Variants in TMED8 observed in about 807,000 individuals in gnomAD.
TMED8 encodes the protein protein TMED8.
TMED8 carries 15 observed loss-of-function variants against 32.7 expected under a neutral mutation model. The ratio of observed to expected loss-of-function variants is 0.46; its 90% CI spans 0.31 to 0.71. The LOEUF (loss-of-function observed/expected upper bound fraction) is 0.71, where lower values mean the gene tolerates loss of function less well. Among genes scored for constraint, TMED8 ranks in the 30% least tolerant of loss-of-function variants. The pLI, the probability that TMED8 is intolerant of heterozygous loss-of-function variation, is 0.06. For missense variants in TMED8, 390 were observed against 423.9 expected (o/e 0.92, Z 0.70); for synonymous variants, 147 against 161.4 (o/e 0.91, Z 0.68).
intron 1 of TMED8, among the ~76,000 whole-genome samples, chr14:77,362,220 T>C (rs1467040390): frequency 6.6e-6 from 1 of 152,034 alleles, no homozygotes; most frequent in Non-Finnish European, 1.5e-5. Flanking sequence ...CTGCTTGCTC[T>C]TGCTAGCACT....
rs548159112 is a variant in TMED8 at position 77,355,196 on chromosome 14, CACTTTT to C, written c.119-3451_119-3446del. On this transcript the variant is annotated intron_variant, in intron 1 of 5. Coordinates refer to ENST00000216468, the MANE Select transcript of TMED8 (RefSeq NM_213601.3). ...TGTTTCTGAAAGGACATGCACTAAA[CACTTTT>C]TTTTTTTTTTTGAGACATAGTCTTG... is the stretch of plus-strand genomic sequence containing the variant. Among the ~76,000 whole-genome samples, 428 of 137,890 alleles carry C rather than the reference CACTTTT, an allele frequency of 3.1e-3. 1 individual carries two copies. Among genetic ancestry groups the C allele is most frequent in the African/African-American group, 0.01 (397 of 39,214 alleles). The allele number at this position is 137,890 out of a possible 152,430, so 90.5% of individuals were successfully genotyped here. A position where few individuals can be genotyped will look rare whatever the true frequency, so the allele number is the denominator to read the frequency against.
In TMED8 at chr14:77,376,061, G is replaced by A. The variant is rs548974742; in HGVS notation, c.118+875C>T. Among the ~76,000 whole-genome samples the A allele has an allele frequency of 6.6e-6, 1 of 152,316 alleles. No homozygotes were observed. The highest frequency in any genetic ancestry group is 1.9e-4 in the East Asian group (1 of 5,190). ...TAATTTATATTTGCTACTTAAATAAGACAAGTTCTCTCCCCTCTACCCTTT... is the reference window on the plus strand; with the variant it reads ...TAATTTATATTTGCTACTTAAATAAAACAAGTTCTCTCCCCTCTACCCTTT... On this transcript the variant is annotated intron_variant, in intron 1 of 5. Transcript: ENST00000216468. The surrounding 1 kb of genome is among the most constrained non-coding windows in gnomAD (Gnocchi z 4.0).
chr14:77,372,413 C>T (rs74434978), intron 1 of TMED8, among the ~76,000 whole-genome samples: 4,933 of 152,264 alleles, frequency 0.032, 278 homozygotes, highest in African/African-American at 0.11. Flanking sequence ...GAACAGGCCT[C>T]AGAGGATTTC....
At chr14:77,373,828 T>C (rs561907674) in intron 1 of TMED8, among the ~76,000 whole-genome samples, 6 of 152,308 alleles carry the variant, frequency 3.9e-5, no homozygotes, top group Admixed American at 3.9e-4. Context: ...ATCCTCTTGA[T>C]GATAAGTGAG....
In TMED8 at chr14:77,335,852, T is replaced by C. The variant is rs1250345745; in HGVS notation, c.*5919A>G. The C allele has an allele frequency of 6.6e-6, 1 of 152,222 alleles. No individual in the cohort carries two copies. The highest frequency in any genetic ancestry group is 2.4e-5 in the African/African-American group (1 of 41,462). 9.4% of individuals were successfully genotyped at this position (152,222 alleles called of 1,614,324 possible). A position where few individuals can be genotyped will look rare whatever the true frequency, so the allele number is the denominator to read the frequency against. On this transcript the variant is annotated 3_prime_UTR_variant, in exon 6 of 6. Coordinates refer to ENST00000216468, the MANE Select transcript of TMED8 (RefSeq NM_213601.3). Reference sequence around the variant, plus strand: ...AATGAAAGCTACTTCACTTACAGGATAATCTCAGGAGACATGAGTGGAGTT... The same window carrying C: ...AATGAAAGCTACTTCACTTACAGGACAATCTCAGGAGACATGAGTGGAGTT...
chr14:77,359,416 T>G, intron 1 of TMED8: 1 of 224,006 alleles, frequency 4.5e-6, no homozygotes, highest in Non-Finnish European at 9.1e-6. Context: ...AGGCAGAAAT[T>G]CTCCAGATGT....
At position 77,339,419 on chromosome 14, in the gene TMED8, C is replaced by A. The variant is rs574638942; in HGVS notation, c.*2352G>T. 2.0e-5 allele frequency: 3 copies of A among 152,312 alleles called. No individual in the cohort carries two copies. The highest frequency in any genetic ancestry group is 2.0e-4 in the Admixed American group (3 of 15,302). The allele number at this position is 152,312 out of a possible 1,614,324, so 9.4% of individuals were successfully genotyped here. A position where few individuals can be genotyped will look rare whatever the true frequency, so the allele number is the denominator to read the frequency against. The stretch of plus-strand genomic sequence containing the variant: ...ATTCCAAAGAAAATAAGCAGAGAAT[C>A]TCATGGTGAAAATAAATAATAACAA... On this transcript the variant is annotated 3_prime_UTR_variant, in exon 6 of 6. Coordinates refer to ENST00000216468, the MANE Select transcript of TMED8 (RefSeq NM_213601.3).
chr14:77,348,488 G>T (rs113070657), intron 2 of TMED8, among the ~76,000 whole-genome samples: 54 of 152,290 alleles, frequency 3.5e-4, no homozygotes, highest in South Asian at 1.7e-3. Context: ...CTCCCAAAGT[G>T]CTGGGATTAC....
chr14:77,350,189 T>C (rs200556099), intron 2 of TMED8, among the ~76,000 whole-genome samples: 2 of 152,214 alleles, frequency 1.3e-5, no homozygotes, highest in East Asian at 3.8e-4. Flanking sequence ...ATGGGGGGTC[T>C]ATTAGATGAT....
chr14:77,358,181 T>A (rs1468673893), intron 1 of TMED8, among the ~76,000 whole-genome samples: 3 of 145,346 alleles, frequency 2.1e-5, no homozygotes, highest in African/African-American at 7.7e-5. Context: ...ATGTAATATA[T>A]CACACACACA....
At chr14:77,344,532 C>A (rs1213668087) in intron 3 of TMED8, among the ~76,000 whole-genome samples, 1 of 152,222 alleles carries the variant, frequency 6.6e-6, no homozygotes, top group Non-Finnish European at 1.5e-5. Flanking sequence ...TCAAAGCCCT[C>A]ACTAACCCAT....
chr14:77,360,984 T>TC (rs1893422521), intron 1 of TMED8, among the ~76,000 whole-genome samples: 1 of 148,702 alleles, frequency 6.7e-6, no homozygotes, highest in Admixed American at 6.7e-5. Flanking sequence ...TTTTTTTTTT[T>TC]TTTTTTTTTT....
chr14:77,370,819 C>T (rs574205794), intron 1 of TMED8, among the ~76,000 whole-genome samples: 2 of 151,586 alleles, frequency 1.3e-5, no homozygotes, highest in East Asian at 3.9e-4. Context: ...CGTGGTGGTG[C>T]GTGCCTGTAA....
chr14:77,372,938 A>C (rs1479636268), intron 1 of TMED8, among the ~76,000 whole-genome samples: 1 of 27,992 alleles, frequency 3.6e-5, no homozygotes, highest in East Asian at 7.4e-4. Flanking sequence ...ATATATATAT[A>C]TATATATATA....
chr14:77,355,447 C>T (rs950111278), intron 1 of TMED8, among the ~76,000 whole-genome samples: 12 of 152,292 alleles, frequency 7.9e-5, no homozygotes, highest in Admixed American at 2.6e-4. Flanking sequence ...CCACCCGCCT[C>T]GGCCTCCCAA....
intron 1 of TMED8, among the ~76,000 whole-genome samples, chr14:77,366,320 C>T (rs1479620114): frequency 6.6e-6 from 1 of 152,196 alleles, no homozygotes; most frequent in African/African-American, 2.4e-5. Flanking sequence ...GAAGATCCTT[C>T]TCTTCGCAGT....
chr14:77,362,696 TA>T (rs1427963940), intron 1 of TMED8, among the ~76,000 whole-genome samples: 1 of 151,934 alleles, frequency 6.6e-6, no homozygotes, highest in Non-Finnish European at 1.5e-5. Context: ...GTGAATGGAT[TA>T]AAAAAAACTA....
chr14:77,348,519 G>A (rs146331353), intron 2 of TMED8, among the ~76,000 whole-genome samples: 21 of 152,196 alleles, frequency 1.4e-4, no homozygotes, highest in Non-Finnish European at 2.4e-4. Flanking sequence ...CACCGCGCCC[G>A]GCTGTTTTAA....
intron 1 of TMED8, among the ~76,000 whole-genome samples, chr14:77,358,180 A>C (rs958393657): frequency 3.0e-5 from 3 of 99,888 alleles, no homozygotes; most frequent in African/African-American, 1.0e-4. Flanking sequence ...AATGTAATAT[A>C]TCACACACAC....
Sources: gnomAD v4.1 joint callset for allele counts (sites outside exome capture counted in the v4.1 genomes callset) on GRCh38, gnomAD v4.1.1 for gene constraint, Gnocchi (gnomAD v3.1) non-coding constraint, MANE v1.5 for transcripts, NCBI Gene and HGNC (gene_info 2026-07-23, HGNC 2026-07-21) for gene names.